Variants in TMEM117 observed in about 807,000 individuals in gnomAD.
TMEM117 encodes the protein transmembrane protein 117.
A neutral mutation model predicts 52.4 loss-of-function variants in TMEM117; 27 were observed. That is an observed-to-expected ratio of 0.51 (90% CI 0.38 to 0.71). TMEM117 has a LOEUF of 0.71. Ranked by LOEUF, TMEM117 falls within the 30% of genes least tolerant of loss-of-function variation. The probability of loss-of-function intolerance (pLI) is 0.00; values close to 1 mark genes in which losing one functional copy is unlikely to be tolerated. For missense variants in TMEM117, 556 were observed against 630.5 expected (o/e 0.88, Z 1.26); for synonymous variants, 215 against 206.3 (o/e 1.04, Z -0.36).
At chr12:44,302,489 C>T (rs1284096003) in intron 6 of TMEM117, among the ~76,000 whole-genome samples, 2 of 152,202 alleles carry the variant, frequency 1.3e-5, no homozygotes, top group Non-Finnish European at 2.9e-5. Context: ...CCATTGGAGA[C>T]CATTTCAACT....
intron 3 of TMEM117, among the ~76,000 whole-genome samples, chr12:43,960,787 A>G (rs925080902): frequency 1.0e-3 from 152 of 152,288 alleles, no homozygotes; most frequent in African/African-American, 3.4e-3. Context: ...AACGTTAGAC[A>G]GTTTTCTCAT....
intron 6 of TMEM117, among the ~76,000 whole-genome samples, chr12:44,327,344 T>G (rs947953482): frequency 6.6e-6 from 1 of 152,198 alleles, no homozygotes; most frequent in Non-Finnish European, 1.5e-5. Flanking sequence ...GGAAAAGAAT[T>G]AAACTTGTTT....
intron 3 of TMEM117, chr12:44,009,186 C>T: frequency 3.7e-6 from 1 of 268,540 alleles, no homozygotes; most frequent in South Asian, 3.8e-5. Flanking sequence ...TGTATATCAC[C>T]ATGATTTTCC....
chr12:43,879,832 G>GCTTTT (rs1189844897), intron 2 of TMEM117, among the ~76,000 whole-genome samples: 1 of 152,174 alleles, frequency 6.6e-6, no homozygotes, highest in Non-Finnish European at 1.5e-5. Flanking sequence ...TGTACTCGTA[G>GCTTTT]AAAGAGCCAC....
chr12:44,254,206 A>G (rs1305573416), intron 5 of TMEM117, among the ~76,000 whole-genome samples: 1 of 152,100 alleles, frequency 6.6e-6, no homozygotes, highest in Admixed American at 6.6e-5. Context: ...TACATAAAAT[A>G]TATATATTCT....
At chr12:44,019,322 A>G (rs901463402) in intron 3 of TMEM117, among the ~76,000 whole-genome samples, 6 of 152,100 alleles carry the variant, frequency 3.9e-5, no homozygotes, top group African/African-American at 1.4e-4. Flanking sequence ...GTCACAGTCA[A>G]TTCTCACTCC....
intron 2 of TMEM117, among the ~76,000 whole-genome samples, chr12:43,888,025 C>T (rs1371000509): frequency 6.6e-6 from 1 of 152,124 alleles, no homozygotes; most frequent in Non-Finnish European, 1.5e-5. Flanking sequence ...TGGGGCAAAT[C>T]TGTAGAAGAG....
intron 2 of TMEM117, among the ~76,000 whole-genome samples, chr12:43,906,785 G>A (rs1027213736): frequency 3.3e-5 from 5 of 152,220 alleles, no homozygotes; most frequent in South Asian, 2.1e-4. Context: ...GCACTTTTCC[G>A]ACAGGCTTAA....
chr12:44,279,384 G>A (rs1340269059), intron 5 of TMEM117, among the ~76,000 whole-genome samples: 1 of 151,992 alleles, frequency 6.6e-6, no homozygotes, highest in Non-Finnish European at 1.5e-5. Context: ...TCCAAATAAT[G>A]TTTTTTTCTC....
chr12:43,845,000 T>A (rs543788543), intron 2 of TMEM117, 72 bp downstream of exon 2: 2 of 1,521,564 alleles, frequency 1.3e-6, no homozygotes, highest in African/African-American at 1.4e-5. Context: ...ACAACTTTGC[T>A]ATTTCTAAGT....
At chr12:44,154,932 A>G (rs1042772511) in intron 4 of TMEM117, among the ~76,000 whole-genome samples, 3 of 151,998 alleles carry the variant, frequency 2.0e-5, no homozygotes, top group African/African-American at 7.2e-5. Context: ...TATTTCTTGG[A>G]CCATAATATC....
rs571421197 is a variant in TMEM117 at position 44,382,796 on chromosome 12, A to T, written c.899-5230A>T. Among the ~76,000 whole-genome samples the T allele has an allele frequency of 2.9e-4, 44 of 152,318 alleles. 1 individual carries two copies. Among genetic ancestry groups the T allele is most frequent in the African/African-American group, 9.9e-4 (41 of 41,580 alleles). ...AGGTACTTTGATAACTCAAATAATTATGACTACTTCATAAATTAATAAGTA... is the reference window on the plus strand; with the variant it reads ...AGGTACTTTGATAACTCAAATAATTTTGACTACTTCATAAATTAATAAGTA... On this transcript the variant is annotated intron_variant, in intron 7 of 7. Coordinates refer to ENST00000266534, the MANE Select transcript of TMEM117 (RefSeq NM_032256.3).
chr12:43,939,100 G>A (rs2137601757), intron 2 of TMEM117, among the ~76,000 whole-genome samples: 1 of 152,224 alleles, frequency 6.6e-6, no homozygotes, highest in Non-Finnish European at 1.5e-5. Context: ...TTTAGTTTTT[G>A]TTTTCGCTTT....
intron 3 of TMEM117, among the ~76,000 whole-genome samples, chr12:43,969,122 G>T (rs544840928): frequency 1.3e-5 from 2 of 151,990 alleles, no homozygotes; most frequent in African/African-American, 4.8e-5. Flanking sequence ...ACAGAATGAA[G>T]TAGAAAATGC....
chr12:43,808,778 C>A, the TMEM117 span, among the ~76,000 whole-genome samples: 1 of 145,334 alleles, frequency 6.9e-6, no homozygotes, highest in Non-Finnish European at 1.5e-5. Flanking sequence ...CCACTACACT[C>A]CAGCCTGGGC....
At chr12:44,018,976 A>G (rs980959874) in intron 3 of TMEM117, among the ~76,000 whole-genome samples, 1 of 152,142 alleles carries the variant, frequency 6.6e-6, no homozygotes, top group Admixed American at 6.5e-5. Context: ...TGTTGGGATT[A>G]CAGGCATGAG....
At chr12:44,218,404 G>A (rs937330002) in intron 5 of TMEM117, among the ~76,000 whole-genome samples, 37 of 152,166 alleles carry the variant, frequency 2.4e-4, no homozygotes, top group African/African-American at 8.9e-4. Context: ...TATCCCAATA[G>A]TACAGAAAAA....
intron 5 of TMEM117, among the ~76,000 whole-genome samples, chr12:44,283,279 C>G (rs1950600040): frequency 1.3e-5 from 2 of 152,122 alleles, no homozygotes; most frequent in South Asian, 4.2e-4. Context: ...CTTCAGAACC[C>G]AGAATGGTAG....
chr12:44,177,464 A>G (rs1168433936), intron 4 of TMEM117, among the ~76,000 whole-genome samples: 1 of 152,192 alleles, frequency 6.6e-6, no homozygotes, highest in East Asian at 1.9e-4. Flanking sequence ...ATTTATTTAT[A>G]GCTTATTTGT....
Sources: allele counts gnomAD v4.1 joint callset (sites outside exome capture counted in the v4.1 genomes callset), GRCh38; gene constraint gnomAD v4.1.1; transcripts MANE v1.5; gene names NCBI Gene and HGNC (gene_info 2026-07-23, HGNC 2026-07-21).